The following FHIT variants were observed in gnomAD, a reference collection of about 807,000 sequenced individuals.
FHIT encodes the protein bis(5'-adenosyl)-triphosphatase.
FHIT carries 19 observed loss-of-function variants against 17.9 expected under a neutral mutation model. The observed-to-expected ratio is 1.06, with a 90% CI of 0.74 to 1.56. The LOEUF (loss-of-function observed/expected upper bound fraction) is 1.56. Ranked by LOEUF, FHIT falls within the 40% of genes most tolerant of loss-of-function variation. The pLI, the probability that FHIT is intolerant of heterozygous loss-of-function variation, is 0.00. For synonymous variants in FHIT, 81 were observed against 69.7 expected, an observed-to-expected ratio of 1.16 and a Z score of -0.81; for missense variants, 248 against 189.2, an observed-to-expected ratio of 1.31 and a Z score of -1.82.
chr3:61,089,032 C>T (rs17064433), intron 2 of FHIT, among the ~76,000 whole-genome samples: 6,071 of 152,036 alleles, frequency 0.04, 211 homozygotes, highest in African/African-American at 0.091. Context: ...GTATATATTC[C>T]CTTAGCCTAT....
chr3:60,014,052 C>T lies in FHIT; in HGVS notation c.204G>A (p.Val68=), dbSNP rs1298425220. 6.2e-7 allele frequency: 1 copy of T among 1,613,848 alleles called. No homozygotes were observed. Among genetic ancestry groups the T allele is most frequent in the Non-Finnish European group, 8.5e-7 (1 of 1,179,926 alleles). Reference sequence around the variant, plus strand: ...AGGTCCCATGGAAATGTTTTTCCACCACTGTCCCGACTCTCTGGGTCGTCT... The same window carrying T: ...AGGTCCCATGGAAATGTTTTTCCACTACTGTCCCGACTCTCTGGGTCGTCT... ...LFQTTQRVGT[V]VEKHFHGTSL... The change falls in exon 6 of 10, where the codon GTG becomes GTA. Residue 68 remains valine, a synonymous_variant. Coordinates refer to ENST00000492590, the MANE Select transcript of FHIT (RefSeq NM_002012.4).
chr3:60,459,537 C>T (rs918939836), intron 5 of FHIT, among the ~76,000 whole-genome samples: 3 of 152,254 alleles, frequency 2.0e-5, no homozygotes, highest in South Asian at 2.1e-4. Flanking sequence ...AGGTACAACG[C>T]GCTTAGCAGT....
intron 5 of FHIT, among the ~76,000 whole-genome samples, chr3:60,138,579 C>T (rs1699911066): frequency 6.6e-6 from 1 of 152,110 alleles, no homozygotes. Flanking sequence ...TGCCTCTTCT[C>T]ATTGCATCCT....
At chr3:59,868,469 A>G (rs1481717746) in intron 8 of FHIT, among the ~76,000 whole-genome samples, 2 of 152,238 alleles carry the variant, frequency 1.3e-5, no homozygotes, top group African/African-American at 4.8e-5. Context: ...CCTTGATATA[A>G]AAAGCAAATA....
chr3:60,250,912 C>T (rs1351332753), intron 5 of FHIT, among the ~76,000 whole-genome samples: 1 of 152,164 alleles, frequency 6.6e-6, no homozygotes, highest in African/African-American at 2.4e-5. Flanking sequence ...CCTCACCAAA[C>T]ACAGATAATC....
At chr3:60,785,934 C>CACACAGAG (rs139392863) in intron 4 of FHIT, among the ~76,000 whole-genome samples, 2 of 137,892 alleles carry the variant, frequency 1.5e-5, no homozygotes, top group Admixed American at 1.5e-4. Flanking sequence ...CACACACACA[C>CACACAGAG]AGAGAGAGTA....
At chr3:60,126,297 C>T (rs552631248) in intron 5 of FHIT, among the ~76,000 whole-genome samples, 20 of 152,184 alleles carry the variant, frequency 1.3e-4, no homozygotes, top group Non-Finnish European at 2.2e-4. Flanking sequence ...TGTGGTTCCT[C>T]TAAACCCCAC....
At chr3:60,080,499 G>A (rs1262666753) in intron 5 of FHIT, among the ~76,000 whole-genome samples, 1 of 152,106 alleles carries the variant, frequency 6.6e-6, no homozygotes, top group Non-Finnish European at 1.5e-5. Context: ...ACTCTGCCTT[G>A]CTTCATTTCA....
At chr3:61,197,995 T>C (rs530908383) in intron 2 of FHIT, among the ~76,000 whole-genome samples, 1 of 152,272 alleles carries the variant, frequency 6.6e-6, no homozygotes, top group South Asian at 2.1e-4. Context: ...AAGAACTCTG[T>C]ACTTTTTGTA....
rs74631556 is a variant in FHIT, at chr3:59,859,240, A to G, written c.348+63106T>C. On this transcript the variant is annotated intron_variant, in intron 8 of 9. Transcript: ENST00000492590. ...ATACGGTCAGTGTGGTTGCCTTCTG[A>G]TGTGATATGCTGAGAAGAGCTCAGC... is the stretch of plus-strand genomic sequence containing the variant. Among the ~76,000 whole-genome samples the G allele has an allele frequency of 8.1e-3, 1,230 of 152,278 alleles. 20 individuals carry two copies. Among genetic ancestry groups the G allele is most frequent in the African/African-American group, 0.028 (1,177 of 41,540 alleles).
At chr3:60,094,849 GA>G (rs763076752) in intron 5 of FHIT, among the ~76,000 whole-genome samples, 11 of 148,656 alleles carry the variant, frequency 7.4e-5, no homozygotes, top group South Asian at 2.2e-4. Flanking sequence ...GAGAGGGAGA[GA>G]AAAAAAAAGA....
chr3:60,408,866 T>C (rs992679031), intron 5 of FHIT, among the ~76,000 whole-genome samples: 1 of 152,152 alleles, frequency 6.6e-6, no homozygotes, highest in Non-Finnish European at 1.5e-5. Flanking sequence ...ACAAAAGCCA[T>C]AATTCCAGTG....
intron 4 of FHIT, among the ~76,000 whole-genome samples, chr3:60,751,540 C>A (rs2042466778): frequency 6.6e-6 from 1 of 152,184 alleles, no homozygotes; most frequent in South Asian, 2.1e-4. Flanking sequence ...TAATGTCCAA[C>A]CTCACTATGA....
rs1008425816 is a variant in FHIT, at chr3:60,369,087, C to G, written c.103+167773G>C. Among the ~76,000 whole-genome samples, 5 of 152,020 alleles carry G rather than the reference C, an allele frequency of 3.3e-5. 1 individual carries two copies. In the South Asian group the frequency reaches 6.2e-4, roughly 19 times the overall value. The stretch of plus-strand genomic sequence containing the variant: ...TCCCAGGCTCAAGCAATCCTCCCAC[C>G]TCAGCCTCCTGAGTAGCTCAAATCA... On this transcript the variant is annotated intron_variant, in intron 5 of 9. Coordinates refer to ENST00000492590, the MANE Select transcript of FHIT (RefSeq NM_002012.4).
chr3:60,931,633 C>G (rs1559842200), intron 3 of FHIT, among the ~76,000 whole-genome samples: 1 of 152,176 alleles, frequency 6.6e-6, no homozygotes, highest in Admixed American at 6.5e-5. Context: ...TCAAACTACA[C>G]TCCCCAGGGA....
chr3:60,542,951 C>T (rs996218591), intron 4 of FHIT, among the ~76,000 whole-genome samples: 1 of 152,148 alleles, frequency 6.6e-6, no homozygotes, highest in Non-Finnish European at 1.5e-5. Flanking sequence ...GAAACGGCTT[C>T]ATTTTTCTTT....
rs115666606 is a variant in FHIT, at chr3:59,867,229, C to A, written c.348+55117G>T. Among the ~76,000 whole-genome samples, 824 of 88,158 alleles carry A rather than the reference C, an allele frequency of 9.3e-3. 13 individuals carry two copies. Among genetic ancestry groups the A allele is most frequent in the African/African-American group, 0.045 (779 of 17,368 alleles). The allele number at this position is 88,158 out of a possible 152,430, so 57.8% of individuals were successfully genotyped here. On this transcript the variant is annotated intron_variant, in intron 8 of 9. Transcript: ENST00000492590. Reference sequence around the variant, plus strand: ...ATTAGTGGTAGTTTATGAAGATCACCGACATTCTCTTTGTTATGGAGTTTG... The same window carrying A: ...ATTAGTGGTAGTTTATGAAGATCACAGACATTCTCTTTGTTATGGAGTTTG...
chr3:60,739,579 T>A (rs1389747153), intron 4 of FHIT, among the ~76,000 whole-genome samples: 4 of 152,188 alleles, frequency 2.6e-5, no homozygotes, highest in African/African-American at 9.6e-5. Context: ...GATTCTTTAC[T>A]GGGGAGGCTG....
At chr3:60,018,436 CT>C (rs1700427752) in intron 5 of FHIT, among the ~76,000 whole-genome samples, 1 of 152,106 alleles carries the variant, frequency 6.6e-6, no homozygotes, top group Non-Finnish European at 1.5e-5. Flanking sequence ...AAGGTTAGGC[CT>C]TAAGTGACCT....
Sources: gnomAD v4.1 joint callset for allele counts (sites outside exome capture counted in the v4.1 genomes callset) on GRCh38, gnomAD v4.1.1 for gene constraint, MANE v1.5 for transcripts, NCBI Gene and HGNC (gene_info 2026-07-23, HGNC 2026-07-21) for gene names.